Variants in GRK2 observed in about 807,000 individuals in gnomAD.
GRK2 encodes the protein adrenergic beta receptor kinase 1.
Under a neutral mutation model 97.8 loss-of-function variants are expected in GRK2, and 23 were observed. The observed-to-expected ratio is 0.24, with a 90% CI of 0.17 to 0.33. The LOEUF is 0.33. Ranked by LOEUF, GRK2 falls within the 10% of genes least tolerant of loss-of-function variation. The pLI is 1.00. For missense variants in GRK2, 633 were observed against 956.9 expected, an observed-to-expected ratio of 0.66 and a Z score of 4.47; for synonymous variants, 425 against 381.7, an observed-to-expected ratio of 1.11 and a Z score of -1.32.
intron 6 of GRK2, 116 bp downstream of exon 6, chr11:67,280,016 C>G (rs1383071634): frequency 9.1e-7 from 1 of 1,093,360 alleles, no homozygotes; most frequent in South Asian, 1.3e-5. Flanking sequence ...AGGCAGGTGG[C>G]TGGCCCGTCA....
Position 67,285,173 on chromosome 11 carries a change from C to A in GRK2, c.1890C>A (p.Phe630Leu), listed in dbSNP as rs1327614984. 2 of 1,613,530 alleles carry A rather than the reference C, an allele frequency of 1.2e-6. No individual in the cohort carries two copies. The highest frequency in any genetic ancestry group is 1.7e-5 in the Admixed American group (1 of 60,028). ...TCAAGATCCGCGGTGGGAAACAGTTCATTTTGCAGTGCGATGTGAGTGGGG... is the reference window on the plus strand; with the variant it reads ...TCAAGATCCGCGGTGGGAAACAGTTAATTTTGCAGTGCGATGTGAGTGGGG... ...LLLKIRGGKQ[F>L]ILQCDSDPEL... The change falls in exon 20 of 21, where the codon TTC (phenylalanine) becomes TTA (leucine). Residue 630 changes from phenylalanine to leucine, a missense_variant. Coordinates refer to ENST00000308595, the MANE Select transcript of GRK2 (RefSeq NM_001619.5).
At position 67,281,636 on chromosome 11, in the gene GRK2, C is replaced by T; in HGVS notation, c.748-14C>T. 6.8e-6 allele frequency: 11 copies of T among 1,608,708 alleles called. No individual in the cohort carries two copies. The highest frequency in any genetic ancestry group is 9.4e-6 in the Non-Finnish European group (11 of 1,175,918). On this transcript the variant is annotated splice_polypyrimidine_tract_variant and intron_variant, in intron 9 of 20. Coordinates refer to ENST00000308595, the MANE Select transcript of GRK2 (RefSeq NM_001619.5). The surrounding 1 kb of genome is among the most constrained non-coding windows in gnomAD (Gnocchi z 5.7). ...TGCTAACTGCCCGCCCCCTCCCCTC[C>T]TCTCCCCTCCTAGGACTGCCCATTC...
intron 2 of GRK2, among the ~76,000 whole-genome samples, chr11:67,277,682 G>A (rs962996954): frequency 6.6e-6 from 1 of 152,256 alleles, no homozygotes; most frequent in African/African-American, 2.4e-5. Context: ...GAACTGACAG[G>A]AAGAGGCGGG....
chr11:67,269,483 G>T lies in GRK2; in HGVS notation c.113+2671G>T, dbSNP rs1425022069. ...CCCACCCCTGCACACCACTGTTCTC[G>T]CCTCTGTCCACATTTTGCGGTGTGG... On this transcript the variant is annotated intron_variant, in intron 1 of 20. Coordinates refer to ENST00000308595, the MANE Select transcript of GRK2 (RefSeq NM_001619.5). The surrounding 1 kb of genome is among the most constrained non-coding windows in gnomAD (Gnocchi z 4.1). Among the ~76,000 whole-genome samples, 1 of 152,098 alleles carries T rather than the reference G, an allele frequency of 6.6e-6. No homozygotes were observed. The highest frequency in any genetic ancestry group is 2.4e-5 in the African/African-American group (1 of 41,416).
Position 67,285,220 on chromosome 11 carries a change from C to T in GRK2, c.1905+32C>T, listed in dbSNP as rs771346586. 6.8e-6 allele frequency: 11 copies of T among 1,612,272 alleles called. No individual in the cohort carries two copies. In the South Asian group the frequency reaches 1.1e-4, roughly 16 times the overall value. ...GGGGGCTGAGCCAGGGATGGGAGGG[C>T]CGAGGGGCCAGGCCAGGCAGGCTGG... is the stretch of plus-strand genomic sequence containing the variant. On this transcript the variant is annotated intron_variant, in intron 20 of 20. Transcript: ENST00000308595.
chr11:67,279,579 AAG>A (rs1272246615), intron 4 of GRK2, 45 bp from the exon 5 acceptor site: 8 of 1,612,320 alleles, frequency 5.0e-6, no homozygotes, highest in African/African-American at 4.0e-5. Flanking sequence ...TTGGGAGGGG[AAG>A]AGAGGACCCT....
chr11:67,279,805 G>A, intron 5 of GRK2, 34 bp from the exon 6 acceptor site: 1 of 1,613,640 alleles, frequency 6.2e-7, no homozygotes, highest in Middle Eastern at 1.6e-4. Context: ...GGTCTCTCGG[G>A]GCTCAGTCAC....
chr11:67,274,075 C>T (rs899007615), intron 1 of GRK2, among the ~76,000 whole-genome samples: 4 of 148,764 alleles, frequency 2.7e-5, no homozygotes, highest in South Asian at 2.1e-4. Context: ...TGCAGTGGCA[C>T]GATTTTGGCT....
Position 67,266,820 on chromosome 11 carries a change from G to A in GRK2, c.113+8G>A. ...CCTGCTGCCCGAGCCCAGGTGAGGAGAAGCTGCCCGCGGCCCCGGCCCGAC... is the reference window on the plus strand; with the variant it reads ...CCTGCTGCCCGAGCCCAGGTGAGGAAAAGCTGCCCGCGGCCCCGGCCCGAC... On this transcript the variant is annotated splice_region_variant and intron_variant, in intron 1 of 20. Transcript: ENST00000308595. 1.6e-6 allele frequency: 2 copies of A among 1,257,506 alleles called. No homozygotes were observed. Among genetic ancestry groups the A allele is most frequent in the Non-Finnish European group, 2.0e-6 (2 of 987,966 alleles). 77.9% of individuals were successfully genotyped at this position (1,257,506 alleles called of 1,614,324 possible). A position where few individuals can be genotyped will look rare whatever the true frequency, so the allele number is the denominator to read the frequency against.
At chr11:67,271,684 G>A (rs1161295274) in intron 1 of GRK2, among the ~76,000 whole-genome samples, 1 of 152,214 alleles carries the variant, frequency 6.6e-6, no homozygotes, top group African/African-American at 2.4e-5. Flanking sequence ...ACGACGTTCC[G>A]GAGCCCAGGC....
intron 15 of GRK2, 94 bp downstream of exon 15, chr11:67,283,322 G>C: frequency 2.6e-6 from 3 of 1,172,452 alleles, no homozygotes; most frequent in African/African-American, 3.0e-5. Flanking sequence ...CAAGGTCCCA[G>C]CCTCCTTGGA....
At position 67,286,508 on chromosome 11, in the gene GRK2, TAA is replaced by T; in HGVS notation, c.*1060_*1061del. 2.9e-6 allele frequency: 2 copies of T among 701,690 alleles called. No individual in the cohort carries two copies. Among genetic ancestry groups the T allele is most frequent in the Non-Finnish European group, 5.2e-6 (2 of 384,046 alleles). 43.5% of individuals were successfully genotyped at this position (701,690 alleles called of 1,614,324 possible). A position where few individuals can be genotyped will look rare whatever the true frequency, so the allele number is the denominator to read the frequency against. Reference sequence around the variant, plus strand: ...CTTTGCCGATTTTTGAATGTGATTTTAAAGAGTGAAAAATGAGACTATGCGTT... The same window carrying T: ...CTTTGCCGATTTTTGAATGTGATTTTAGAGTGAAAAATGAGACTATGCGTT... On this transcript the variant is annotated 3_prime_UTR_variant, in exon 21 of 21. Coordinates refer to ENST00000308595, the MANE Select transcript of GRK2 (RefSeq NM_001619.5).
In GRK2 at chr11:67,281,183, A is replaced by G; in HGVS notation, c.646A>G (p.Met216Val). 1 of 1,612,112 alleles carries G rather than the reference A, an allele frequency of 6.2e-7. No individual in the cohort carries two copies. The highest frequency in any genetic ancestry group is 8.5e-7 in the Non-Finnish European group (1 of 1,179,076). ...YGCRKADTGK[M>V]YAMKCLDKKR... is the part of the protein sequence containing the mutation. ...GTGCCGGAAGGCTGACACAGGCAAG[A>G]TGTGAGCACCCTGCTCGGCGCGGTG... The change falls in exon 8 of 21, where the codon ATG becomes GTG. Residue 216 changes from methionine to valine, a missense_variant and splice_region_variant. Around this residue, in one of 4 missense-constraint regions of GRK2, gnomAD observed 192 missense variants for 362.3 expected, o/e 0.53. Transcript: ENST00000308595. The surrounding 1 kb of genome is among the most constrained non-coding windows in gnomAD (Gnocchi z 5.7).
Position 67,285,574 on chromosome 11 carries a change from C to A in GRK2, c.*124C>A. 12 of 1,276,472 alleles carry A rather than the reference C, an allele frequency of 9.4e-6. No individual in the cohort carries two copies. The highest frequency in any genetic ancestry group is 1.1e-5 in the Non-Finnish European group (11 of 964,294). 79.1% of individuals were successfully genotyped at this position (1,276,472 alleles called of 1,614,324 possible). On this transcript the variant is annotated 3_prime_UTR_variant, in exon 21 of 21. Coordinates refer to ENST00000308595, the MANE Select transcript of GRK2 (RefSeq NM_001619.5). ...TGATTTCCCGTGGCCCCAGCCTGGC[C>A]CAGCTCCCCCGGGAGGGGCCCGCTT... is the stretch of plus-strand genomic sequence containing the variant.
chr11:67,269,151 C>T lies in GRK2; in HGVS notation c.113+2339C>T, dbSNP rs1859855400. The stretch of plus-strand genomic sequence containing the variant: ...GGCCACCCTTTGCATAACGCCTTGC[C>T]TTGCACACCCAGTGGGGCAGAGCAC... On this transcript the variant is annotated intron_variant, in intron 1 of 20. Transcript: ENST00000308595. This position sits in a 1 kb window ranked among gnomAD's most constrained non-coding sequence, Gnocchi z 4.1. 6.6e-6 allele frequency among the ~76,000 whole-genome samples: 1 copy of T among 152,262 alleles called. No individual in the cohort carries two copies. The highest frequency in any genetic ancestry group is 1.5e-5 in the Non-Finnish European group (1 of 68,050).
intron 1 of GRK2, among the ~76,000 whole-genome samples, chr11:67,273,911 A>C (rs952694559): frequency 2.0e-5 from 3 of 152,040 alleles, no homozygotes; most frequent in Non-Finnish European, 2.9e-5. Flanking sequence ...CAGGGAACCA[A>C]GCATGCTTCC....
chr11:67,285,256 A>G (rs1274093112), intron 20 of GRK2, 30 bp from the exon 21 acceptor site: 4 of 1,609,414 alleles, frequency 2.5e-6, no homozygotes, highest in Non-Finnish European at 3.4e-6. Context: ...GGAGAGCCCC[A>G]GCTGACAGAG....
Position 67,272,565 on chromosome 11 carries a change from C to T in GRK2, c.114-4707C>T, listed in dbSNP as rs999794132. ...CGGAAGTGCTCCCTCAGCACCCACT[C>T]CTTCCCTGTCACCCAGTGCTCAGTG... is the stretch of plus-strand genomic sequence containing the variant. On this transcript the variant is annotated intron_variant, in intron 1 of 20. Coordinates refer to ENST00000308595, the MANE Select transcript of GRK2 (RefSeq NM_001619.5). 1.2e-4 allele frequency among the ~76,000 whole-genome samples: 19 copies of T among 152,206 alleles called. No homozygotes were observed. In the East Asian group the frequency reaches 3.7e-3, roughly 29 times the overall value.
At chr11:67,278,343 C>G (rs1860076762) in intron 2 of GRK2, among the ~76,000 whole-genome samples, 2 of 152,190 alleles carry the variant, frequency 1.3e-5, no homozygotes, top group South Asian at 4.1e-4. Context: ...CCTCTGTCCC[C>G]TGGTAGTGCT....
Sources: allele counts gnomAD v4.1 joint callset (sites outside exome capture counted in the v4.1 genomes callset), GRCh38; gene constraint gnomAD v4.1.1; regional missense constraint gnomAD v4.1.1; non-coding constraint Gnocchi (gnomAD v3.1); transcripts MANE v1.5; gene names NCBI Gene and HGNC (gene_info 2026-07-23, HGNC 2026-07-21).